The following CUX1 variants were observed in gnomAD, a reference collection of about 807,000 sequenced individuals.
CUX1 encodes cut like homeobox 1.
CUX1 carries 31 observed loss-of-function variants against 158.8 expected under a neutral mutation model. The ratio of observed to expected loss-of-function variants is 0.20; its 90% CI spans 0.15 to 0.26. The LOEUF (loss-of-function observed/expected upper bound fraction) is 0.26. Among genes scored for constraint, CUX1 ranks in the 10% least tolerant of loss-of-function variants. The probability of loss-of-function intolerance (pLI) is 1.00; values close to 1 mark genes in which losing one functional copy is unlikely to be tolerated. For missense variants in CUX1, 1,589 were observed against 2,014.6 expected (o/e 0.79, Z 4.04); for synonymous variants, 879 against 862.1 (o/e 1.02, Z -0.34).
Position 101,934,089 on chromosome 7 carries a change from G to T in CUX1, c.141+17864G>T, listed in dbSNP as rs943807160. Among the ~76,000 whole-genome samples the T allele has an allele frequency of 1.6e-4, 24 of 152,158 alleles. 1 individual carries two copies. Among genetic ancestry groups the T allele is most frequent in the African/African-American group, 4.1e-4 (17 of 41,418 alleles). On this transcript the variant is annotated intron_variant, in intron 2 of 23. Coordinates refer to ENST00000292535, the MANE Select transcript of CUX1 (RefSeq NM_181552.4). Reference sequence around the variant, plus strand: ...ATCACAGCCTGTTGAAATCCCTGTGGTTAATCAGAAGAGAAGTTGTTTCTA... The same window carrying T: ...ATCACAGCCTGTTGAAATCCCTGTGTTTAATCAGAAGAGAAGTTGTTTCTA...
At chr7:101,866,067 G>GT (rs1797901592) in intron 1 of CUX1, among the ~76,000 whole-genome samples, 1 of 152,220 alleles carries the variant, frequency 6.6e-6, no homozygotes. Context: ...GCTCACACCT[G>GT]TAATCCCAGC....
At chr7:102,046,569 A>ATGTTTTTTTTTTTT (rs1822831258) in intron 3 of CUX1, among the ~76,000 whole-genome samples, 1 of 55,466 alleles carries the variant, frequency 1.8e-5, no homozygotes, top group African/African-American at 8.2e-5. Context: ...TTTGGTTTGG[A>ATGTTTTTTTTTTTT]TTTTTTTTTT....
chr7:102,251,329 TTGAC>T lies in CUX1; in HGVS notation c.*2290_*2293del, dbSNP rs376555461. The T allele has an allele frequency of 7.3e-5, 72 of 985,446 alleles. No homozygotes were observed. The African/African-American group carries it at 1.2e-3, about 16-fold the overall frequency. The allele number at this position is 985,446 out of a possible 1,614,324, so 61.0% of individuals were successfully genotyped here. A position where few individuals can be genotyped will look rare whatever the true frequency, so the allele number is the denominator to read the frequency against. ...TGCTTGTTAATTAACTTGTAGGACT[TTGAC>T]TGTAAGATGTGAAACCACGTTTCTT... is the stretch of plus-strand genomic sequence containing the variant. On this transcript the variant is annotated 3_prime_UTR_variant, in exon 24 of 24. Transcript: ENST00000292535.
At chr7:102,205,878 T>C (rs1352831317) in intron 20 of CUX1, among the ~76,000 whole-genome samples, 2 of 152,070 alleles carry the variant, frequency 1.3e-5, no homozygotes, top group Non-Finnish European at 2.9e-5. Context: ...GGCTCTCGTC[T>C]GCGCCCCCCC....
In CUX1 at chr7:102,022,706, CAAAGG is replaced by C. The variant is rs377735205; in HGVS notation, c.142-5390_142-5386del. ...AAACATCATTTATTTGCTGTGTACTCAAAGGAGAGGAGGTTGACATGAGCTATTTT... is the reference window on the plus strand; with the variant it reads ...AAACATCATTTATTTGCTGTGTACTCAGAGGAGGTTGACATGAGCTATTTT... On this transcript the variant is annotated intron_variant, in intron 2 of 23. Transcript: ENST00000292535. Among the ~76,000 whole-genome samples, 17 of 152,146 alleles carry C rather than the reference CAAAGG, an allele frequency of 1.1e-4. No individual in the cohort carries two copies. The East Asian group carries it at 1.9e-3, about 17-fold the overall frequency.
In CUX1 at chr7:101,868,324, G is replaced by A. The variant is rs143331701; in HGVS notation, c.31-47791G>A. ...CCTGTGTAGGCCTGTAGTGGAGCTG[G>A]CTTTTGTCCTTTGCTGTCCCTGGCT... is the stretch of plus-strand genomic sequence containing the variant. On this transcript the variant is annotated intron_variant, in intron 1 of 23. Transcript: ENST00000292535. Among the ~76,000 whole-genome samples, 1,196 of 152,234 alleles carry A rather than the reference G, an allele frequency of 7.9e-3. 6 individuals carry two copies. Among genetic ancestry groups the A allele is most frequent in the Non-Finnish European group, 0.012 (797 of 68,016 alleles).
chr7:102,013,260 A>T (rs947481961), intron 2 of CUX1, among the ~76,000 whole-genome samples: 2 of 152,246 alleles, frequency 1.3e-5, no homozygotes, highest in Non-Finnish European at 1.5e-5. Context: ...CGCCGAAGCT[A>T]ATGTCAAGAT....
At chr7:102,266,417 C>T (rs1355306779) in intron 14 of CUX1, among the ~76,000 whole-genome samples, 1 of 151,728 alleles carries the variant, frequency 6.6e-6, no homozygotes, top group Non-Finnish European at 1.5e-5. Context: ...TTGGGGAGTA[C>T]AGACTTGGGG....
At chr7:101,925,443 AG>A (rs1202977903) in intron 2 of CUX1, among the ~76,000 whole-genome samples, 1 of 152,160 alleles carries the variant, frequency 6.6e-6, no homozygotes, top group East Asian at 1.9e-4. Flanking sequence ...AGAAACCCCC[AG>A]GGGTGAGGGG....
intron 9 of CUX1, among the ~76,000 whole-genome samples, chr7:102,159,612 G>A (rs377256890): frequency 1.3e-5 from 2 of 152,222 alleles, no homozygotes; most frequent in African/African-American, 4.8e-5. Flanking sequence ...TGTAATCCCA[G>A]CAGTCTGGGG....
intron 13 of CUX1, 152 bp from the exon 14 acceptor site, chr7:102,195,355 G>A: frequency 1.8e-6 from 1 of 542,030 alleles, no homozygotes; most frequent in South Asian, 2.8e-5. Flanking sequence ...CGACTTGGGG[G>A]GAAATCAGCT....
At chr7:102,242,534 G>A (rs392606) in intron 23 of CUX1, among the ~76,000 whole-genome samples, 125,524 of 152,194 alleles carry the variant, frequency 0.82, 52,898 homozygotes, top group East Asian at 0.98. Flanking sequence ...TCTAGCCACA[G>A]AGATGCGTGC....
intron 1 of CUX1, among the ~76,000 whole-genome samples, chr7:101,827,281 TTCTCTTCTC>T: frequency 6.6e-6 from 1 of 150,384 alleles, no homozygotes; most frequent in South Asian, 2.1e-4. Flanking sequence ...TTCTCTTCTC[TTCTCTTCTC>T]TTCTTTTCTT....
At chr7:102,178,209 T>C (rs1181042143) in intron 10 of CUX1, among the ~76,000 whole-genome samples, 1 of 152,244 alleles carries the variant, frequency 6.6e-6, no homozygotes, top group African/African-American at 2.4e-5. Context: ...GCCTGGACTT[T>C]CTTTGATTCA....
rs554058318 is a variant in CUX1 at position 102,254,936 on chromosome 7, T to A, written c.*5894T>A. The A allele has an allele frequency of 4.1e-6, 4 of 985,378 alleles. No homozygotes were observed. In the South Asian group the frequency reaches 1.4e-4, roughly 35 times the overall value. 61.0% of individuals were successfully genotyped at this position (985,378 alleles called of 1,614,324 possible). On this transcript the variant is annotated 3_prime_UTR_variant, in exon 24 of 24. Coordinates refer to ENST00000292535, the MANE Select transcript of CUX1 (RefSeq NM_181552.4). ...GGGAAAAGGGGAAGCAGGTACCCAA[T>A]AAAGTTTAGAAAGATCCAGTCTGTG...
chr7:102,206,883 A>G (rs1554521544), intron 20 of CUX1, among the ~76,000 whole-genome samples: 2 of 152,168 alleles, frequency 1.3e-5, no homozygotes, highest in African/African-American at 4.8e-5. Flanking sequence ...TGGGCAACAG[A>G]GCGAGACTCC....
At chr7:102,089,290 A>G (rs1383905566) in intron 4 of CUX1, among the ~76,000 whole-genome samples, 3 of 151,968 alleles carry the variant, frequency 2.0e-5, no homozygotes, top group Middle Eastern at 3.2e-3. Context: ...ATCTCTTGTC[A>G]TTTCTGGTTC....
At chr7:102,008,144 G>T (rs1366746840) in intron 2 of CUX1, among the ~76,000 whole-genome samples, 2 of 152,160 alleles carry the variant, frequency 1.3e-5, no homozygotes, top group Non-Finnish European at 2.9e-5. Flanking sequence ...AGCAGACCCT[G>T]GTCTGGTCTC....
At chr7:101,915,125 C>T (rs576337161) in intron 1 of CUX1, among the ~76,000 whole-genome samples, 92 of 152,134 alleles carry the variant, frequency 6.0e-4, no homozygotes, top group African/African-American at 2.0e-3. Context: ...CAGAACGGGC[C>T]GCTGTGTGTC....
Sources: allele counts gnomAD v4.1 joint callset (sites outside exome capture counted in the v4.1 genomes callset), GRCh38; gene constraint gnomAD v4.1.1; transcripts MANE v1.5; gene names NCBI Gene and HGNC (gene_info 2026-07-23, HGNC 2026-07-21).